SLC4A4: variants seen among roughly 807,000 people sequenced by gnomAD.
SLC4A4 encodes solute carrier family 4 member 4, also known as electrogenic sodium bicarbonate cotransporter 1.
In SLC4A4, 27 loss-of-function variants were observed where a neutral mutation model predicts 111.5. The observed-to-expected ratio is 0.24, with a 90% CI of 0.18 to 0.33. SLC4A4 has a LOEUF of 0.33. Ranked by LOEUF, SLC4A4 falls within the 10% of genes least tolerant of loss-of-function variation. The pLI, the probability that SLC4A4 is intolerant of heterozygous loss-of-function variation, is 1.00. For missense variants in SLC4A4, 909 were observed against 1,315.5 expected, an observed-to-expected ratio of 0.69 and a Z score of 4.78; for synonymous variants, 443 against 463.4, an observed-to-expected ratio of 0.96 and a Z score of 0.57.
intron 1 of SLC4A4, among the ~76,000 whole-genome samples, chr4:71,231,689 T>G (rs1173043509): frequency 6.6e-6 from 1 of 152,208 alleles, no homozygotes; most frequent in African/African-American, 2.4e-5. Context: ...CTTTGCCTCA[T>G]GCTGGTGATG....
chr4:71,198,517 G>A (rs1746108678), intron 1 of SLC4A4, among the ~76,000 whole-genome samples: 1 of 152,160 alleles, frequency 6.6e-6, no homozygotes, highest in Non-Finnish European at 1.5e-5. Context: ...TGAGAATGGA[G>A]GAGTTTCTTT....
intron 1 of SLC4A4, among the ~76,000 whole-genome samples, chr4:71,079,015 C>T (rs2148933596): frequency 6.6e-6 from 1 of 152,216 alleles, no homozygotes; most frequent in Middle Eastern, 3.4e-3. Flanking sequence ...GATGGGGTTT[C>T]ACTATGTTGG....
chr4:71,247,536 A>G (rs1480848469), intron 2 of SLC4A4, among the ~76,000 whole-genome samples: 1 of 152,062 alleles, frequency 6.6e-6, no homozygotes, highest in East Asian at 1.9e-4. Context: ...GGTTGGAATG[A>G]GAGTGTGAAC....
At chr4:71,201,303 T>C (rs1171423057) in intron 1 of SLC4A4, among the ~76,000 whole-genome samples, 1 of 152,196 alleles carries the variant, frequency 6.6e-6, no homozygotes, top group Non-Finnish European at 1.5e-5. Flanking sequence ...AAGCTAGGCC[T>C]CTTTATCCCA....
At chr4:71,335,434 CT>C (rs1024364936) in intron 3 of SLC4A4, among the ~76,000 whole-genome samples, 1 of 152,096 alleles carries the variant, frequency 6.6e-6, no homozygotes, top group African/African-American at 2.4e-5. Flanking sequence ...TCCTGATTGC[CT>C]AAAATAGTTA....
At chr4:71,225,024 A>G (rs1718963376) in intron 1 of SLC4A4, among the ~76,000 whole-genome samples, 1 of 152,236 alleles carries the variant, frequency 6.6e-6, no homozygotes, top group Admixed American at 6.5e-5. Flanking sequence ...AGTACTTGGC[A>G]AGTAGTAAGT....
chr4:71,153,568 C>T (rs1744373671), intron 2 of SLC4A4, among the ~76,000 whole-genome samples: 1 of 152,088 alleles, frequency 6.6e-6, no homozygotes, highest in Admixed American at 6.6e-5. Context: ...ATGAAGGGTT[C>T]TAAAACTTTT....
chr4:71,441,693 G>C lies in SLC4A4; in HGVS notation c.965+920G>C, dbSNP rs371148776. Among the ~76,000 whole-genome samples the C allele has an allele frequency of 1.5e-4, 23 of 152,122 alleles. 1 individual carries two copies. Among genetic ancestry groups the C allele is most frequent in the African/African-American group, 5.3e-4 (22 of 41,428 alleles). ...TGTAAAGAGGCTCAAGATTTCTTTAGAGCCTGGTTAGGAGGAAAATTAAGA... is the reference window on the plus strand; with the variant it reads ...TGTAAAGAGGCTCAAGATTTCTTTACAGCCTGGTTAGGAGGAAAATTAAGA... On this transcript the variant is annotated intron_variant, in intron 8 of 25. Coordinates refer to ENST00000264485, the MANE Select transcript of SLC4A4 (RefSeq NM_001098484.3).
chr4:71,513,466 T>C (rs927969524), intron 16 of SLC4A4, among the ~76,000 whole-genome samples: 1 of 152,212 alleles, frequency 6.6e-6, no homozygotes, highest in Non-Finnish European at 1.5e-5. Flanking sequence ...CTGGGTTTTG[T>C]GTGTTGATTT....
At chr4:71,376,514 A>G (rs1732412729) in intron 6 of SLC4A4, among the ~76,000 whole-genome samples, 1 of 150,848 alleles carries the variant, frequency 6.6e-6, no homozygotes, top group Admixed American at 6.6e-5. Context: ...CCTAAAATAT[A>G]TTTTAACAGG....
At chr4:71,218,383 T>C in intron 1 of SLC4A4, among the ~76,000 whole-genome samples, 1 of 152,238 alleles carries the variant, frequency 6.6e-6, no homozygotes, top group East Asian at 1.9e-4. Context: ...AGTCACTTGT[T>C]TGATGACCTT....
chr4:71,417,078 G>GT (rs1386938769), intron 7 of SLC4A4, among the ~76,000 whole-genome samples: 1 of 152,144 alleles, frequency 6.6e-6, no homozygotes, highest in Admixed American at 6.5e-5. Context: ...CTATGCATGG[G>GT]TGTAAAGATG....
intron 7 of SLC4A4, among the ~76,000 whole-genome samples, chr4:71,419,497 G>T (rs972809126): frequency 2.6e-5 from 4 of 152,370 alleles, no homozygotes; most frequent in Admixed American, 6.5e-5. Context: ...GACCCTCCGA[G>T]CCAGGTGCGG....
intron 2 of SLC4A4, among the ~76,000 whole-genome samples, chr4:71,167,055 A>C (rs896714): frequency 1 from 151,836 of 152,246 alleles, 75,718 homozygotes; most frequent in Middle Eastern, 1. Flanking sequence ...CAGGGCACAG[A>C]AAAATGGCTT....
At chr4:71,254,251 C>T (rs1721279971) in intron 2 of SLC4A4, among the ~76,000 whole-genome samples, 2 of 152,102 alleles carry the variant, frequency 1.3e-5, no homozygotes, top group Non-Finnish European at 2.9e-5. Flanking sequence ...AGAAGTTATG[C>T]TGTATTTAAA....
intron 3 of SLC4A4, chr4:71,339,041 CAT>C (rs1728665743): frequency 6.8e-7 from 1 of 1,475,638 alleles, no homozygotes; most frequent in Non-Finnish European, 8.9e-7. Context: ...TTGGATGAGT[CAT>C]AAGTGGAGAA....
At chr4:71,205,395 A>G (rs1717685310) in intron 1 of SLC4A4, among the ~76,000 whole-genome samples, 1 of 152,136 alleles carries the variant, frequency 6.6e-6, no homozygotes, top group African/African-American at 2.4e-5. Flanking sequence ...CTTCCATGTC[A>G]TTTTAAGGAG....
At chr4:71,560,873 C>G (rs1736924886) in intron 23 of SLC4A4, among the ~76,000 whole-genome samples, 1 of 151,708 alleles carries the variant, frequency 6.6e-6, no homozygotes, top group Non-Finnish European at 1.5e-5. Context: ...GGGTCCTCCT[C>G]CAATTAGGTG....
chr4:71,083,796 C>A (rs1341922848), intron 1 of SLC4A4, among the ~76,000 whole-genome samples: 2 of 118,328 alleles, frequency 1.7e-5, no homozygotes, highest in African/African-American at 6.4e-5. Context: ...CCGCCCCCAC[C>A]AGTCTCAAAG....
Sources: allele counts gnomAD v4.1 joint callset (sites outside exome capture counted in the v4.1 genomes callset), GRCh38; gene constraint gnomAD v4.1.1; transcripts MANE v1.5; gene names NCBI Gene and HGNC (gene_info 2026-07-23, HGNC 2026-07-21).